SLC36A2: variants seen among roughly 807,000 people sequenced by gnomAD.
SLC36A2 encodes solute carrier family 36 member 2, also known as proton-coupled amino acid transporter 2.
Under a neutral mutation model 42.7 loss-of-function variants are expected in SLC36A2, and 39 were observed. The observed-to-expected ratio is 0.91, with a 90% CI of 0.71 to 1.19. The LOEUF is 1.19. Ranked by LOEUF, SLC36A2 falls within the 50% of genes most tolerant of loss-of-function variation. The pLI is 0.00. For missense variants in SLC36A2, 590 were observed against 613.7 expected (o/e 0.96, Z 0.41); for synonymous variants, 237 against 240.8 (o/e 0.98, Z 0.15).
At position 151,335,500 on chromosome 5, in the gene SLC36A2, C is replaced by G. The variant is rs185561520; in HGVS notation, c.573G>C (p.Glu191Asp). The G allele has an allele frequency of 3.1e-6, 5 of 1,614,088 alleles. No homozygotes were observed. In the Admixed American group the frequency reaches 6.7e-5, roughly 22 times the overall value. Residue 191 changes from glutamate to aspartate, a missense_variant, in exon 6 of 10, where the codon GAG (glutamate) becomes GAC (aspartate). By Grantham distance (45) the Glu-to-Asp change is conservative (BLOSUM62 2). Transcript: ENST00000335244. The part of the protein sequence containing the change: ...NSTTNNCYSN[E>D]TVILTPTMDS... ...CCATGGTGGGGGTCAGAATCACCGT[C>G]TCATTGGAATAGCAGTTGTTGGTTG...
chr5:151,325,505 A>G (rs1410385195), intron 7 of SLC36A2, 53 bp from the exon 8 acceptor site: 2 of 1,585,992 alleles, frequency 1.3e-6, no homozygotes, highest in East Asian at 4.5e-5. Context: ...AACAAAAAGA[A>G]AAATGGCATT....
rs1756423638 is a variant in SLC36A2, at chr5:151,344,043, T to A, written c.255+134A>T. ...CCGGAACTCAAACCCAGGCTAGATGTCTAGACCCTAACCCCGCACCAAGCT... is the reference window on the plus strand; with the variant it reads ...CCGGAACTCAAACCCAGGCTAGATGACTAGACCCTAACCCCGCACCAAGCT... On this transcript the variant is annotated intron_variant, in intron 2 of 9. Transcript: ENST00000335244. 3.8e-5 allele frequency: 31 copies of A among 821,284 alleles called. No individual in the cohort carries two copies. The South Asian group carries it at 4.4e-4, about 12-fold the overall frequency. The allele number at this position is 821,284 out of a possible 1,614,324, so 50.9% of individuals were successfully genotyped here.
intron 9 of SLC36A2, chr5:151,321,821 G>T: frequency 2.0e-6 from 1 of 492,794 alleles, no homozygotes; most frequent in Non-Finnish European, 3.8e-6. Context: ...GGGATTACAG[G>T]CACGTGCCAC....
In SLC36A2 at chr5:151,342,878, A is replaced by G. The variant is rs1313270937; in HGVS notation, c.440+10T>C. On this transcript the variant is annotated intron_variant, in intron 4 of 9. Coordinates refer to ENST00000335244, the MANE Select transcript of SLC36A2 (RefSeq NM_181776.3). ...CCTACCCCACTGCAGGCAAAGCAAGAACAGGTTACCTTCCCCAGTGAGCGT... is the reference window on the plus strand; with the variant it reads ...CCTACCCCACTGCAGGCAAAGCAAGGACAGGTTACCTTCCCCAGTGAGCGT... 3 of 1,613,470 alleles carry G rather than the reference A, an allele frequency of 1.9e-6. No individual in the cohort carries two copies. The highest frequency in any genetic ancestry group is 1.6e-4 in the Middle Eastern group (1 of 6,062).
chr5:151,322,982 TCC>T (rs1286714673), intron 8 of SLC36A2, among the ~76,000 whole-genome samples: 1 of 152,202 alleles, frequency 6.6e-6, no homozygotes, highest in African/African-American at 2.4e-5. Context: ...ACGCCTATAA[TCC>T]CAGCACTTTG....
In SLC36A2 at chr5:151,347,324, G is replaced by T; in HGVS notation, c.137C>A (p.Ala46Glu). The T allele has an allele frequency of 6.2e-7, 1 of 1,614,212 alleles. No homozygotes were observed. Among genetic ancestry groups the T allele is most frequent in the Non-Finnish European group, 8.5e-7 (1 of 1,180,014 alleles). Residue 46 changes from alanine (A) to glutamate (E), a missense_variant, in exon 1 of 10, where the codon GCA becomes GAA. Ala to Glu is a moderately radical substitution (Grantham distance 107). Transcript: ENST00000335244. Reference sequence around the variant, plus strand: ...TATGCCCTTGGTCTTCTTCAAGCCTGCTGACTCTGAAGGACTTTCATCCAA... The same window carrying T: ...TATGCCCTTGGTCTTCTTCAAGCCTTCTGACTCTGAAGGACTTTCATCCAA... Reference protein sequence around the residue: ...TFLDESPSESAGLKKTKGITV... With the variant: ...TFLDESPSESEGLKKTKGITV...
chr5:151,339,216 C>T, intron 4 of SLC36A2, 72 bp from the exon 5 acceptor site: 1 of 1,204,002 alleles, frequency 8.3e-7, no homozygotes, highest in Non-Finnish European at 1.2e-6. Context: ...CATTTCTTGC[C>T]ATTCTGCCCT....
At chr5:151,318,490 T>TATAA in intron 9 of SLC36A2, among the ~76,000 whole-genome samples, 1 of 138,644 alleles carries the variant, frequency 7.2e-6, no homozygotes, top group East Asian at 2.0e-4. Flanking sequence ...TTTATATATT[T>TATAA]TATCTATAAT....
At chr5:151,343,090 A>G in intron 3 of SLC36A2, 107 bp from the exon 4 acceptor site, 2 of 896,240 alleles carry the variant, frequency 2.2e-6, no homozygotes, top group Non-Finnish European at 3.7e-6. Flanking sequence ...TAAAGAGCAG[A>G]AAGAACACAG....
intron 7 of SLC36A2, chr5:151,332,380 A>G (rs1328110497): frequency 6.6e-6 from 3 of 455,412 alleles, no homozygotes; most frequent in Non-Finnish European, 4.4e-6. Context: ...ATTGCCAACA[A>G]GCAAATGAAA....
Position 151,322,128 on chromosome 5 carries a change from G to T in SLC36A2, c.1098C>A (p.Ile366=). 5.6e-6 allele frequency: 9 copies of T among 1,614,192 alleles called. No individual in the cohort carries two copies. The highest frequency in any genetic ancestry group is 7.6e-6 in the Non-Finnish European group (9 of 1,180,042). ...LQFYVPAEII[I]PFAISRVSTR... ...TTGACACCCGGGAGATGGCAAAGGG[G>T]ATGATGATTTCTGCAGGGACGTAGA... The change falls in exon 9 of 10, where the codon ATC becomes ATA. Residue 366 remains isoleucine, a synonymous_variant. Transcript: ENST00000335244.
intron 7 of SLC36A2, among the ~76,000 whole-genome samples, chr5:151,330,020 G>T (rs371201778): frequency 6.6e-6 from 1 of 152,246 alleles, no homozygotes; most frequent in African/African-American, 2.4e-5. Context: ...TGTGTGTTTA[G>T]GGGGGTGGGG....
chr5:151,325,359 T>C lies in SLC36A2; in HGVS notation c.937A>G (p.Met313Val). Residue 313 changes from methionine to valine, a missense_variant, in exon 8 of 10, where the codon ATG becomes GTG. Physicochemically the swap from Met to Val is conservative, Grantham distance 21 (BLOSUM62 1). Coordinates refer to ENST00000335244, the MANE Select transcript of SLC36A2 (RefSeq NM_181776.3). The stretch of plus-strand genomic sequence containing the variant: ...AACCGCAGGTAGCCCAGAGCCGCCA[T>C]GCCAATGTATAGGGAAGTGACGATG... ...MSIVTSLYIG[M>V]AALGYLRFGD... The C allele has an allele frequency of 6.2e-7, 1 of 1,614,150 alleles. No homozygotes were observed. The highest frequency in any genetic ancestry group is 8.5e-7 in the Non-Finnish European group (1 of 1,179,992).
intron 9 of SLC36A2, among the ~76,000 whole-genome samples, chr5:151,317,655 T>G (rs1386845660): frequency 6.6e-6 from 1 of 152,090 alleles, no homozygotes; most frequent in Non-Finnish European, 1.5e-5. Flanking sequence ...ATCCAGGAGT[T>G]CAAGGACACC....
chr5:151,317,454 TAA>T (rs34665919), intron 9 of SLC36A2, among the ~76,000 whole-genome samples: 9 of 135,704 alleles, frequency 6.6e-5, no homozygotes, highest in South Asian at 2.4e-4. Flanking sequence ...CCTATCTCAT[TAA>T]AAAAAAAAAA....
chr5:151,338,990 T>C (rs1199336540), intron 5 of SLC36A2, 70 bp downstream of exon 5: 1 of 1,153,750 alleles, frequency 8.7e-7, no homozygotes, highest in East Asian at 2.5e-5. Flanking sequence ...AAGAAGCAGT[T>C]TGTCAAACAA....
chr5:151,339,321 T>C (rs550679346), intron 4 of SLC36A2, among the ~76,000 whole-genome samples, 177 bp from the exon 5 acceptor site: 1 of 151,924 alleles, frequency 6.6e-6, no homozygotes, highest in East Asian at 1.9e-4. Flanking sequence ...ATCGTTCTTT[T>C]TTTTTTTTTT....
At chr5:151,346,292 G>A (rs146567407) in intron 1 of SLC36A2, among the ~76,000 whole-genome samples, 2 of 152,186 alleles carry the variant, frequency 1.3e-5, no homozygotes, top group African/African-American at 2.4e-5. Flanking sequence ...GCCCTGGGGC[G>A]ACAGCACAGG....
chr5:151,330,304 A>C (rs898047663), intron 7 of SLC36A2, among the ~76,000 whole-genome samples: 3 of 152,216 alleles, frequency 2.0e-5, no homozygotes, highest in African/African-American at 7.2e-5. Context: ...AAAGTTATGA[A>C]AGCAACCAGA....
Sources: allele counts gnomAD v4.1 joint callset (sites outside exome capture counted in the v4.1 genomes callset), GRCh38; gene constraint gnomAD v4.1.1; transcripts MANE v1.5; gene names NCBI Gene and HGNC (gene_info 2026-07-23, HGNC 2026-07-21).